Variants in MRPL14 observed in about 807,000 individuals in gnomAD.
MRPL14 encodes the protein large ribosomal subunit protein uL14m.
A neutral mutation model predicts 10.9 loss-of-function variants in MRPL14; 8 were observed. The ratio of observed to expected loss-of-function variants is 0.74; its 90% confidence interval spans 0.43 to 1.33. The LOEUF is 1.33. Ranked by LOEUF, MRPL14 falls within the 40% of genes most tolerant of loss-of-function variation. MRPL14 has a pLI of 0.01. For missense variants in MRPL14, 179 were observed against 194.5 expected, an observed-to-expected ratio of 0.92 and a Z score of 0.47; for synonymous variants, 82 against 74.1, an observed-to-expected ratio of 1.11 and a Z score of -0.54.
chr6:44,117,124 T>C (rs2128194364), intron 1 of MRPL14, among the ~76,000 whole-genome samples: 1 of 152,196 alleles, frequency 6.6e-6, no homozygotes, highest in East Asian at 1.9e-4. Context: ...CCCCCAAATG[T>C]AAAGGCCAGA....
chr6:44,119,685 C>T (rs1776217820), intron 1 of MRPL14, among the ~76,000 whole-genome samples: 1 of 152,168 alleles, frequency 6.6e-6, no homozygotes. Context: ...GAGATCAATA[C>T]TCAGAGCAAT....
intron 1 of MRPL14, among the ~76,000 whole-genome samples, chr6:44,122,517 A>G (rs779992851): frequency 6.6e-6 from 1 of 152,204 alleles, no homozygotes; most frequent in African/African-American, 2.4e-5. Flanking sequence ...AGTATCACAG[A>G]TCTATATATA....
At chr6:44,120,554 C>T (rs1251544644) in intron 1 of MRPL14, among the ~76,000 whole-genome samples, 1 of 152,158 alleles carries the variant, frequency 6.6e-6, no homozygotes, top group Non-Finnish European at 1.5e-5. Flanking sequence ...GACCTAAACC[C>T]AAAGGACTCA....
intron 2 of MRPL14, among the ~76,000 whole-genome samples, chr6:44,114,967 G>C (rs1775700643): frequency 6.6e-6 from 1 of 152,144 alleles, no homozygotes; most frequent in Non-Finnish European, 1.5e-5. Flanking sequence ...AGTTTACTAA[G>C]GGAATTCTCT....
At position 44,125,110 on chromosome 6, in the gene MRPL14, G is replaced by A. The variant is rs551478187; in HGVS notation, c.-19+2234C>T. On this transcript the variant is annotated intron_variant, in intron 1 of 2. Transcript: ENST00000372014. ...GTTGTTGTTATCCACCCCGCCCCAA[G>A]GGAAACATTTTATCTTTAATATTCA... Among the ~76,000 whole-genome samples the A allele has an allele frequency of 2.6e-5, 4 of 152,288 alleles. No individual in the cohort carries two copies. In the East Asian group the frequency reaches 5.8e-4, roughly 22 times the overall value.
At chr6:44,117,945 G>A (rs1315873244) in intron 1 of MRPL14, among the ~76,000 whole-genome samples, 3 of 127,706 alleles carry the variant, frequency 2.3e-5, no homozygotes, top group Admixed American at 1.0e-4. Flanking sequence ...CCTCAGCCCC[G>A]CAAAGTGCTG....
rs888792078 is a variant in MRPL14, at chr6:44,121,611, C to T, written c.-18-4982G>A. 3.9e-5 allele frequency among the ~76,000 whole-genome samples: 6 copies of T among 152,362 alleles called. No individual in the cohort carries two copies. The East Asian group carries it at 1.2e-3, about 29-fold the overall frequency. ...TCAGTGCCCAGAACTGTGCCTAGCA[C>T]ACCTACAGCTTAGTGACTCTCTGTT... On this transcript the variant is annotated intron_variant, in intron 1 of 2. Transcript: ENST00000372014.
intron 2 of MRPL14, among the ~76,000 whole-genome samples, chr6:44,115,916 T>C (rs1172744872): frequency 6.6e-6 from 1 of 152,290 alleles, no homozygotes; most frequent in Non-Finnish European, 1.5e-5. Context: ...TCTATTATAA[T>C]ATTCTATCAC....
At chr6:44,126,020 C>T (rs1413495071) in intron 1 of MRPL14, among the ~76,000 whole-genome samples, 2 of 152,188 alleles carry the variant, frequency 1.3e-5, no homozygotes, top group Non-Finnish European at 2.9e-5. Flanking sequence ...AACTGTCTTT[C>T]GTCTCACACA....
intron 1 of MRPL14, among the ~76,000 whole-genome samples, chr6:44,123,908 C>T (rs1199314010): frequency 6.6e-6 from 1 of 152,132 alleles, no homozygotes; most frequent in African/African-American, 2.4e-5. Context: ...ATAGATCTGA[C>T]AATTCTCAAT....
At chr6:44,119,681 A>T (rs1338417031) in intron 1 of MRPL14, among the ~76,000 whole-genome samples, 3 of 152,226 alleles carry the variant, frequency 2.0e-5, no homozygotes, top group Non-Finnish European at 1.5e-5. Flanking sequence ...AGAAGAGATC[A>T]ATACTCAGAG....
chr6:44,120,895 A>G (rs953567082), intron 1 of MRPL14, among the ~76,000 whole-genome samples: 3 of 152,192 alleles, frequency 2.0e-5, no homozygotes, highest in African/African-American at 7.2e-5. Context: ...GGTGCTAATC[A>G]TGGAGGATTA....
intron 1 of MRPL14, among the ~76,000 whole-genome samples, chr6:44,121,388 A>G (rs1776393670): frequency 6.6e-6 from 1 of 151,090 alleles, no homozygotes; most frequent in African/African-American, 2.4e-5. Flanking sequence ...GGTGGAAGGA[A>G]AAGAAAAAAC....
At chr6:44,121,946 A>T (rs907530541) in intron 1 of MRPL14, among the ~76,000 whole-genome samples, 14 of 152,008 alleles carry the variant, frequency 9.2e-5, no homozygotes, top group Non-Finnish European at 1.5e-5. Flanking sequence ...CAAAAAAAAA[A>T]AAAAAAGAAC....
intron 1 of MRPL14, among the ~76,000 whole-genome samples, chr6:44,116,851 C>A (rs1180753998): frequency 6.6e-6 from 1 of 152,110 alleles, no homozygotes; most frequent in African/African-American, 2.4e-5. Context: ...GGAGAATGGC[C>A]CACAACAGCT....
chr6:44,116,071 C>CG (rs894412186), intron 2 of MRPL14, among the ~76,000 whole-genome samples: 4 of 152,204 alleles, frequency 2.6e-5, no homozygotes, highest in Non-Finnish European at 4.4e-5. Context: ...GAGGGCATGA[C>CG]GGGGCCAGGA....
At chr6:44,126,156 G>A (rs1236766057) in intron 1 of MRPL14, among the ~76,000 whole-genome samples, 2 of 152,214 alleles carry the variant, frequency 1.3e-5, no homozygotes, top group Non-Finnish European at 2.9e-5. Context: ...AAATAGAAGG[G>A]CACAGGAGAC....
intron 1 of MRPL14, among the ~76,000 whole-genome samples, chr6:44,117,878 G>A (rs1296604167): frequency 8.6e-6 from 1 of 116,466 alleles, no homozygotes; most frequent in Non-Finnish European, 1.7e-5. Flanking sequence ...TAGAGATGAT[G>A]GTCTCACTAT....
At chr6:44,117,840 G>GTTT (rs56204643) in intron 1 of MRPL14, among the ~76,000 whole-genome samples, 22 of 75,364 alleles carry the variant, frequency 2.9e-4, no homozygotes, top group South Asian at 5.3e-4. Context: ...AATTTTTTGT[G>GTTT]TTTTTTTTTT....
Sources: allele counts gnomAD v4.1 joint callset (sites outside exome capture counted in the v4.1 genomes callset), GRCh38; gene constraint gnomAD v4.1.1; transcripts MANE v1.5; gene names NCBI Gene and HGNC (gene_info 2026-07-23, HGNC 2026-07-21).